MAPRE2: variants seen among roughly 807,000 people sequenced by gnomAD.
MAPRE2 encodes the protein microtubule associated protein RP/EB family member 2, also known as microtubule-associated protein RP/EB family member 2.
MAPRE2 carries 13 observed loss-of-function variants against 43.2 expected under a neutral mutation model. The observed-to-expected ratio is 0.30, with a 90% CI of 0.20 to 0.48. The LOEUF (loss-of-function observed/expected upper bound fraction) is 0.48, where lower values mean the gene tolerates loss of function less well. Among genes scored for constraint, MAPRE2 ranks in the 20% least tolerant of loss-of-function variants. The pLI, the probability that MAPRE2 is intolerant of heterozygous loss-of-function variation, is 0.99. For synonymous variants in MAPRE2, 135 were observed against 148.8 expected (o/e 0.91, Z 0.68); for missense variants, 161 against 400.2 (o/e 0.40, Z 5.10).
intron 1 of MAPRE2, among the ~76,000 whole-genome samples, chr18:35,050,508 T>G (rs1458297206): frequency 6.6e-6 from 1 of 152,260 alleles, no homozygotes; most frequent in Admixed American, 6.5e-5. Flanking sequence ...GCTGCCTGTG[T>G]GTTTTGTGAT....
intron 2 of MAPRE2, among the ~76,000 whole-genome samples, chr18:35,079,915 C>T (rs1417864744): frequency 2.0e-5 from 3 of 152,212 alleles, no homozygotes; most frequent in Non-Finnish European, 4.4e-5. Context: ...TGTGCATGTA[C>T]ATTGCATGTG....
intron 4 of MAPRE2, among the ~76,000 whole-genome samples, chr18:35,114,089 A>G (rs1411991029): frequency 6.6e-6 from 1 of 152,192 alleles, no homozygotes; most frequent in Non-Finnish European, 1.5e-5. Flanking sequence ...GTCACACACT[A>G]GAAGGAGAGG....
intron 1 of MAPRE2, among the ~76,000 whole-genome samples, chr18:35,047,164 T>C (rs553133377): frequency 1.3e-5 from 2 of 152,360 alleles, no homozygotes; most frequent in Non-Finnish European, 2.9e-5. Context: ...TGTTTACTTC[T>C]TATTTTAGTC....
rs1187789214 is a variant in MAPRE2, at chr18:35,005,661, A to G, written c.-8+108A>G. Reference sequence around the variant, plus strand: ...ATTTATTTTCAAAATTCCAGTACACAATTAAAGCCGATATTTGAGTAAATA... The same window carrying G: ...ATTTATTTTCAAAATTCCAGTACACGATTAAAGCCGATATTTGAGTAAATA... On this transcript the variant is annotated intron_variant, in intron 2 of 7. Coordinates refer to the MAPRE2 transcript ENST00000413393. The G allele has an allele frequency of 1.0e-5, 6 of 575,908 alleles. 1 individual carries two copies. In the Admixed American group the frequency reaches 2.2e-4, roughly 21 times the overall value. The allele number at this position is 575,908 out of a possible 1,614,324, so 35.7% of individuals were successfully genotyped here.
chr18:35,005,400 C>T, intron 1 of MAPRE2: 2 of 690,236 alleles, frequency 2.9e-6, no homozygotes, highest in Non-Finnish European at 4.8e-6. Flanking sequence ...TTGCTGGCCA[C>T]ACCCACTAAA....
chr18:35,035,090 T>C (rs888461218), intron 2 of MAPRE2, among the ~76,000 whole-genome samples: 21 of 151,996 alleles, frequency 1.4e-4, no homozygotes, highest in Admixed American at 1.4e-3. Context: ...CTATTCACTA[T>C]AGCAAAGACT....
In MAPRE2 at chr18:34,988,154, A is replaced by G. The variant is rs529817219; in HGVS notation, c.-70+11075A>G. On this transcript the variant is annotated intron_variant, in intron 1 of 7. Transcript: ENST00000413393. ...CATATTCATATACTTGTATCCCCAG[A>G]TTCCTCTAAAACTGGACAAAAGGAG... Among the ~76,000 whole-genome samples the G allele has an allele frequency of 6.6e-5, 10 of 152,162 alleles. No individual in the cohort carries two copies. The South Asian group carries it at 1.0e-3, about 16-fold the overall frequency.
chr18:35,053,488 A>C (rs1275217473), intron 1 of MAPRE2, among the ~76,000 whole-genome samples: 2 of 152,146 alleles, frequency 1.3e-5, no homozygotes, highest in African/African-American at 4.8e-5. Flanking sequence ...GAAAAAAAAA[A>C]CACTGAATCT....
intron 6 of MAPRE2, among the ~76,000 whole-genome samples, chr18:35,139,141 C>T (rs1458649249): frequency 6.6e-6 from 1 of 152,190 alleles, no homozygotes; most frequent in Non-Finnish European, 1.5e-5. Flanking sequence ...GCTCAGTGAT[C>T]ATGCCATATT....
intron 4 of MAPRE2, among the ~76,000 whole-genome samples, chr18:35,113,356 A>T (rs764236138): frequency 1.3e-5 from 2 of 152,208 alleles, no homozygotes; most frequent in Non-Finnish European, 2.9e-5. Context: ...TTTCATTGCC[A>T]TCCTAATTTC....
In MAPRE2 at chr18:35,003,224, C is replaced by T. The variant is rs76597169; in HGVS notation, c.-69-2268C>T. 7.5e-3 allele frequency among the ~76,000 whole-genome samples: 1,137 copies of T among 152,270 alleles called. 11 individuals are homozygous for T. Among genetic ancestry groups the T allele is most frequent in the African/African-American group, 0.025 (1,023 of 41,536 alleles). ...GCTGGGACTTCTTGAGCACCTACCA[C>T]ATGCTAGGTCCTGAACTTATGATGA... is the stretch of plus-strand genomic sequence containing the variant. On this transcript the variant is annotated intron_variant, in intron 1 of 7. Transcript: ENST00000413393.
At position 35,140,548 on chromosome 18, in the gene MAPRE2, A is replaced by C; in HGVS notation, c.*179A>C. ...GTTCCCATTTTCTTTGCCAAGGTGT[A>C]TTAGCGGACGGCCCTCTGGCCACCT... On this transcript the variant is annotated 3_prime_UTR_variant, in exon 7 of 7. Transcript: ENST00000300249. The C allele has an allele frequency of 1.6e-6, 1 of 631,804 alleles. No homozygotes were observed. The highest frequency in any genetic ancestry group is 2.7e-6 in the Non-Finnish European group (1 of 368,194). The allele number at this position is 631,804 out of a possible 1,614,324, so 39.1% of individuals were successfully genotyped here. A position where few individuals can be genotyped will look rare whatever the true frequency, so the allele number is the denominator to read the frequency against.
At chr18:35,132,735 A>ACAAGTGCTGCTATT (rs1910214338) in intron 6 of MAPRE2, among the ~76,000 whole-genome samples, 1 of 152,208 alleles carries the variant, frequency 6.6e-6, no homozygotes, top group African/African-American at 2.4e-5. Context: ...GCTGCTATTC[A>ACAAGTGCTGCTATT]CAAGTGCTGC....
intron 2 of MAPRE2, among the ~76,000 whole-genome samples, chr18:35,032,788 ATTTG>A (rs1031250464): frequency 2.6e-5 from 4 of 151,950 alleles, no homozygotes; most frequent in South Asian, 2.1e-4. Context: ...CACTTTAAAC[ATTTG>A]TTTGTTTGTT....
chr18:35,106,504 T>A (rs933003270), intron 4 of MAPRE2, among the ~76,000 whole-genome samples: 1 of 152,068 alleles, frequency 6.6e-6, no homozygotes, highest in African/African-American at 2.4e-5. Flanking sequence ...AGAAAAAAAA[T>A]TGTGCTTTTA....
chr18:34,990,660 A>T (rs72950519), intron 1 of MAPRE2, among the ~76,000 whole-genome samples: 4,804 of 152,072 alleles, frequency 0.032, 107 homozygotes, highest in Non-Finnish European at 0.036. Flanking sequence ...ATTTTTTTAG[A>T]TGTTTGTTTT....
At chr18:35,057,437 G>T (rs552795393) in intron 1 of MAPRE2, among the ~76,000 whole-genome samples, 1 of 152,060 alleles carries the variant, frequency 6.6e-6, no homozygotes, top group South Asian at 2.1e-4. Flanking sequence ...TAGAAATGTT[G>T]TAACTTTACG....
chr18:35,033,458 G>A (rs2150593393), intron 2 of MAPRE2, among the ~76,000 whole-genome samples: 1 of 149,616 alleles, frequency 6.7e-6, no homozygotes, highest in East Asian at 2.0e-4. Flanking sequence ...GCACAAGACA[G>A]GGATGCCCTC....
At chr18:35,111,631 A>G (rs953628671) in intron 4 of MAPRE2, among the ~76,000 whole-genome samples, 1 of 152,226 alleles carries the variant, frequency 6.6e-6, no homozygotes, top group Admixed American at 6.5e-5. Context: ...GTTAACTCCC[A>G]TTCAAGGGGA....
Sources: allele counts gnomAD v4.1 joint callset (sites outside exome capture counted in the v4.1 genomes callset), GRCh38; gene constraint gnomAD v4.1.1; transcripts MANE v1.5; gene names NCBI Gene and HGNC (gene_info 2026-07-23, HGNC 2026-07-21).